PPP1R13B: variants seen among roughly 807,000 people sequenced by gnomAD.
PPP1R13B encodes apoptosis-stimulating of p53 protein 1.
In PPP1R13B, 44 loss-of-function variants were observed where a neutral mutation model predicts 119.8. The ratio of observed to expected loss-of-function variants is 0.37; its 90% CI spans 0.29 to 0.47. The LOEUF is 0.47. Ranked by LOEUF, PPP1R13B falls within the 20% of genes least tolerant of loss-of-function variation. The probability of loss-of-function intolerance (pLI) is 0.99; values close to 1 mark genes in which losing one functional copy is unlikely to be tolerated. For synonymous variants in PPP1R13B, 542 were observed against 561.5 expected (o/e 0.97, Z 0.49); for missense variants, 1,227 against 1,413.5 (o/e 0.87, Z 2.12).
chr14:103,805,385 A>G (rs958068122), intron 1 of PPP1R13B, among the ~76,000 whole-genome samples: 5 of 151,998 alleles, frequency 3.3e-5, no homozygotes, highest in Non-Finnish European at 7.4e-5. Context: ...AGCCTGGGAA[A>G]CATAACAAAA....
At chr14:103,836,730 A>G (rs930605394) in intron 1 of PPP1R13B, among the ~76,000 whole-genome samples, 1 of 151,318 alleles carries the variant, frequency 6.6e-6, no homozygotes, top group Non-Finnish European at 1.5e-5. Flanking sequence ...AGATAGCGCC[A>G]TCGCACTCCA....
At position 103,820,661 on chromosome 14, in the gene PPP1R13B, T is replaced by G. The variant is rs1595821269; in HGVS notation, c.10-23143A>C. Among the ~76,000 whole-genome samples, 4 of 144,936 alleles carry G rather than the reference T, an allele frequency of 2.8e-5. No homozygotes were observed. The Middle Eastern group carries it at 0.014, about 514-fold the overall frequency. ...TACCACCATGCCCAGGATTTTTTTT[T>G]TTTTTTTTTTTTTTGTAGAGACAGG... On this transcript the variant is annotated intron_variant, in intron 1 of 16. Coordinates refer to ENST00000202556, the MANE Select transcript of PPP1R13B (RefSeq NM_015316.3).
intron 1 of PPP1R13B, among the ~76,000 whole-genome samples, chr14:103,832,122 A>AG (rs2086676770): frequency 6.6e-6 from 1 of 151,904 alleles, no homozygotes; most frequent in South Asian, 2.1e-4. Flanking sequence ...AAAAAAAAAA[A>AG]AGTTATGTTT....
chr14:103,800,352 T>C (rs2085868723), intron 1 of PPP1R13B, among the ~76,000 whole-genome samples: 1 of 152,032 alleles, frequency 6.6e-6, no homozygotes, highest in Admixed American at 6.6e-5. Context: ...TTTTAGTTTG[T>C]TGTTAAGATT....
intron 4 of PPP1R13B, among the ~76,000 whole-genome samples, chr14:103,758,747 G>GA (rs975381819): frequency 6.6e-6 from 1 of 152,176 alleles, no homozygotes; most frequent in African/African-American, 2.4e-5. Flanking sequence ...TCTGAGCAGG[G>GA]AGGCCACACA....
At chr14:103,739,160 A>T in intron 12 of PPP1R13B, 137 bp from the exon 13 acceptor site, 1 of 1,221,668 alleles carries the variant, frequency 8.2e-7, no homozygotes, top group East Asian at 2.4e-5. Context: ...TGGTAGCAGT[A>T]GCAGCGCCCA....
intron 1 of PPP1R13B, among the ~76,000 whole-genome samples, chr14:103,801,624 C>T (rs182003765): frequency 5.3e-5 from 8 of 152,278 alleles, no homozygotes; most frequent in Non-Finnish European, 1.0e-4. Flanking sequence ...ACACAGATCT[C>T]TATTGCATCA....
chr14:103,746,662 G>A (rs1415477957), intron 8 of PPP1R13B, 109 bp from the exon 9 acceptor site: 2 of 979,974 alleles, frequency 2.0e-6, no homozygotes, highest in Non-Finnish European at 2.9e-6. Context: ...TCAGTGGTTG[G>A]TTTTTAGGAA....
intron 6 of PPP1R13B, 39 bp downstream of exon 6, chr14:103,754,031 T>G (rs1262141846): frequency 6.3e-7 from 1 of 1,597,698 alleles, no homozygotes; most frequent in Non-Finnish European, 8.5e-7. Flanking sequence ...GATCTGGGCC[T>G]GGTGAGAGTG....
At chr14:103,768,493 T>C (rs1211707764) in intron 4 of PPP1R13B, among the ~76,000 whole-genome samples, 2 of 152,036 alleles carry the variant, frequency 1.3e-5, no homozygotes, top group Admixed American at 6.6e-5. Flanking sequence ...GAGACAGGGT[T>C]TCACCATATT....
chr14:103,830,578 A>G (rs1331779371), intron 1 of PPP1R13B, among the ~76,000 whole-genome samples: 3 of 152,210 alleles, frequency 2.0e-5, no homozygotes, highest in Admixed American at 2.0e-4. Context: ...AGTCTGTTCC[A>G]AAATCTGTAC....
intron 7 of PPP1R13B, among the ~76,000 whole-genome samples, chr14:103,752,355 C>A (rs949961792): frequency 6.6e-6 from 1 of 152,022 alleles, no homozygotes; most frequent in Non-Finnish European, 1.5e-5. Flanking sequence ...GGCTGCCAGG[C>A]TCTGGAGGGT....
At chr14:103,768,191 T>C (rs975472622) in intron 4 of PPP1R13B, among the ~76,000 whole-genome samples, 17 of 151,488 alleles carry the variant, frequency 1.1e-4, no homozygotes, top group Admixed American at 7.9e-4. Context: ...CTCGGTTCAC[T>C]GCAACCTCCG....
At chr14:103,799,608 G>C (rs1455871698) in intron 1 of PPP1R13B, among the ~76,000 whole-genome samples, 1 of 133,394 alleles carries the variant, frequency 7.5e-6, no homozygotes, top group African/African-American at 3.0e-5. Flanking sequence ...CCACTGTGCC[G>C]GGTTTTTTGT....
intron 8 of PPP1R13B, among the ~76,000 whole-genome samples, chr14:103,749,279 A>T (rs1318843954): frequency 6.6e-6 from 1 of 152,226 alleles, no homozygotes; most frequent in Non-Finnish European, 1.5e-5. Context: ...ATTCAGTATC[A>T]AATAAGGATT....
At chr14:103,824,694 CAA>C (rs34447941) in intron 1 of PPP1R13B, among the ~76,000 whole-genome samples, 19 of 119,704 alleles carry the variant, frequency 1.6e-4, no homozygotes, top group African/African-American at 1.2e-4. Flanking sequence ...GACTCCGCCT[CAA>C]AAAAAAAAAA....
chr14:103,740,455 G>A lies in PPP1R13B; in HGVS notation c.1961C>T (p.Pro654Leu). ...STEKEPEQDG[P>L]AAPADGSTVE... ...GGTGCTGCCATCTGCGGGGGCGGCGGGGCCATCCTGCTCAGGCTCTTTCTC... is the reference window on the plus strand; with the variant it reads ...GGTGCTGCCATCTGCGGGGGCGGCGAGGCCATCCTGCTCAGGCTCTTTCTC... Residue 654 changes from proline to leucine, a missense_variant, in exon 12 of 17, where the codon CCC (proline) becomes CTC (leucine). Pro to Leu is a moderately conservative substitution (Grantham distance 98). Coordinates refer to ENST00000202556, the MANE Select transcript of PPP1R13B (RefSeq NM_015316.3). This position sits in a 1 kb window ranked among gnomAD's most constrained non-coding sequence, Gnocchi z 4.6. The A allele has an allele frequency of 6.2e-7, 1 of 1,608,356 alleles. No individual in the cohort carries two copies. The highest frequency in any genetic ancestry group is 8.5e-7 in the Non-Finnish European group (1 of 1,176,282).
intron 1 of PPP1R13B, among the ~76,000 whole-genome samples, chr14:103,809,265 G>C (rs2024669): frequency 0.58 from 88,235 of 152,028 alleles, 27,590 homozygotes; most frequent in African/African-American, 0.84. Flanking sequence ...TTTTACTTGC[G>C]TTAATAATTT....
intron 6 of PPP1R13B, among the ~76,000 whole-genome samples, chr14:103,753,509 T>TC (rs2084599195): frequency 6.6e-6 from 1 of 152,242 alleles, no homozygotes; most frequent in African/African-American, 2.4e-5. Context: ...CAAGCCTCTC[T>TC]CGTGCATCAC....
Sources: allele counts gnomAD v4.1 joint callset (sites outside exome capture counted in the v4.1 genomes callset), GRCh38; gene constraint gnomAD v4.1.1; non-coding constraint Gnocchi (gnomAD v3.1); transcripts MANE v1.5; gene names NCBI Gene and HGNC (gene_info 2026-07-23, HGNC 2026-07-21).